ODR4: variants seen among roughly 807,000 people sequenced by gnomAD.
ODR4 encodes the protein protein odr-4 homolog.
ODR4 carries 47 observed loss-of-function variants against 60.2 expected under a neutral mutation model. The ratio of observed to expected loss-of-function variants is 0.78; its 90% CI spans 0.62 to 1.00. The LOEUF (loss-of-function observed/expected upper bound fraction) is 1.00. Ranked by LOEUF, ODR4 falls within the 50% of genes least tolerant of loss-of-function variation. The pLI, the probability that ODR4 is intolerant of heterozygous loss-of-function variation, is 0.00. For synonymous variants in ODR4, 178 were observed against 175.5 expected, an observed-to-expected ratio of 1.01 and a Z score of -0.11; for missense variants, 488 against 530.8, an observed-to-expected ratio of 0.92 and a Z score of 0.79.
At chr1:186,379,640 A>C (rs2102011273) in intron 1 of ODR4, 127 bp from the exon 2 acceptor site, 1 of 529,598 alleles carries the variant, frequency 1.9e-6, no homozygotes, top group African/African-American at 1.9e-5. Context: ...CTATGTAATA[A>C]GTATTTGCTG....
At chr1:186,401,419 C>T (rs1372422156) in intron 11 of ODR4, 1 of 346,630 alleles carries the variant, frequency 2.9e-6, no homozygotes, top group Non-Finnish European at 5.5e-6. Context: ...TATTCTGCTC[C>T]TAGCAGAGTG....
chr1:186,434,428 G>T, the ODR4 span, among the ~76,000 whole-genome samples: 7 of 152,096 alleles, frequency 4.6e-5, no homozygotes, highest in African/African-American at 1.7e-4. Flanking sequence ...TGTTTGGAAT[G>T]ATTGCCTCTT....
the ODR4 span, among the ~76,000 whole-genome samples, chr1:186,431,789 G>A: frequency 6.6e-6 from 1 of 152,100 alleles, no homozygotes; most frequent in East Asian, 1.9e-4. Flanking sequence ...AGGAATTCTT[G>A]GATAAAAGGT....
downstream of ODR4, among the ~76,000 whole-genome samples, chr1:186,424,789 G>A (rs1331331622): frequency 1.3e-5 from 2 of 151,878 alleles, no homozygotes; most frequent in African/African-American, 4.8e-5. Context: ...TCTTCCAGTC[G>A]TGGTGGCTGG....
rs2102104241 is a variant in ODR4, at chr1:186,420,441, G to T, written c.*1365G>T. On this transcript the variant is annotated 3_prime_UTR_variant, in exon 14 of 14. Coordinates refer to ENST00000287859, the MANE Select transcript of ODR4 (RefSeq NM_017847.6). Reference sequence around the variant, plus strand: ...CAAGTAGTAGTATTTTATGACTAGAGATCACAGGCACAAGTTGAAACAAAC... The same window carrying T: ...CAAGTAGTAGTATTTTATGACTAGATATCACAGGCACAAGTTGAAACAAAC... 1 of 152,258 alleles carries T rather than the reference G, an allele frequency of 6.6e-6. No individual in the cohort carries two copies. Among genetic ancestry groups the T allele is most frequent in the African/African-American group, 2.4e-5 (1 of 41,538 alleles). 9.4% of individuals were successfully genotyped at this position (152,258 alleles called of 1,614,324 possible).
At chr1:186,381,379 T>A (rs974025068) in intron 2 of ODR4, among the ~76,000 whole-genome samples, 2 of 151,200 alleles carry the variant, frequency 1.3e-5, no homozygotes, top group Non-Finnish European at 2.9e-5. Context: ...CAGGCTGGAG[T>A]GCAGTGGCGC....
Position 186,388,841 on chromosome 1 carries a change from G to T in ODR4, c.437+293G>T, listed in dbSNP as rs547927330. On this transcript the variant is annotated intron_variant, in intron 5 of 13. Transcript: ENST00000287859. ...CCAAGCACAGCAGATTCCCTACAGA[G>T]ATAAATGCCTAACTGATGGCTTAGG... Among the ~76,000 whole-genome samples, 6 of 152,298 alleles carry T rather than the reference G, an allele frequency of 3.9e-5. No homozygotes were observed. The South Asian group carries it at 1.2e-3, about 32-fold the overall frequency.
the ODR4 span, among the ~76,000 whole-genome samples, chr1:186,431,709 C>G: frequency 6.6e-6 from 1 of 152,064 alleles, no homozygotes; most frequent in Non-Finnish European, 1.5e-5. Context: ...ACAAAATCAC[C>G]ATTTGCAAGC....
chr1:186,388,004 T>C (rs956821066), intron 4 of ODR4, among the ~76,000 whole-genome samples: 4 of 152,346 alleles, frequency 2.6e-5, no homozygotes, highest in Non-Finnish European at 5.9e-5. Flanking sequence ...AAATCACTTA[T>C]CATTTCTCAT....
Position 186,398,378 on chromosome 1 carries a change from G to A in ODR4, c.846G>A (p.Lys282=), listed in dbSNP as rs1321428473. The A allele has an allele frequency of 1.9e-6, 3 of 1,611,564 alleles. No individual in the cohort carries two copies. The highest frequency in any genetic ancestry group is 1.7e-6 in the Non-Finnish European group (2 of 1,178,544). ...VQICSGSVNL[K]GAVKCRAYIH... Reference sequence around the variant, plus strand: ...TATGTAGCGGTTCTGTAAACCTTAAGGGTGCTGTGAAATGCAGAGCTTATA... The same window carrying A: ...TATGTAGCGGTTCTGTAAACCTTAAAGGTGCTGTGAAATGCAGAGCTTATA... Residue 282 remains lysine (K), a synonymous_variant, in exon 10 of 14, where the codon AAG becomes AAA. Coordinates refer to ENST00000287859, the MANE Select transcript of ODR4 (RefSeq NM_017847.6).
intron 11 of ODR4, among the ~76,000 whole-genome samples, chr1:186,404,882 T>A (rs1036539445): frequency 6.6e-6 from 1 of 152,218 alleles, no homozygotes; most frequent in Non-Finnish European, 1.5e-5. Context: ...TTTAATCATA[T>A]CTGTTGCTGA....
At chr1:186,401,066 A>G in intron 11 of ODR4, 2 of 1,596,620 alleles carry the variant, frequency 1.3e-6, no homozygotes, top group Non-Finnish European at 1.7e-6. Flanking sequence ...ATCCACCATT[A>G]TTGTTAAAGA....
chr1:186,386,826 A>C (rs796841278), intron 4 of ODR4, among the ~76,000 whole-genome samples: 7 of 152,270 alleles, frequency 4.6e-5, no homozygotes, highest in African/African-American at 1.2e-4. Flanking sequence ...AAACATAAAC[A>C]ATCAGATTAT....
the ODR4 span, among the ~76,000 whole-genome samples, chr1:186,426,992 T>C: frequency 6.6e-6 from 1 of 152,168 alleles, no homozygotes; most frequent in African/African-American, 2.4e-5. Flanking sequence ...AAAGTGGCAA[T>C]CCTCTGACCT....
At chr1:186,381,579 G>A (rs189245926) in intron 2 of ODR4, among the ~76,000 whole-genome samples, 1 of 151,892 alleles carries the variant, frequency 6.6e-6, no homozygotes, top group African/African-American at 2.4e-5. Context: ...CGCCTGCCTC[G>A]GCCTCCCAAA....
chr1:186,399,206 ATT>A (rs532098710), intron 11 of ODR4, 162 bp downstream of exon 11: 5,344 of 504,730 alleles, frequency 0.011, no homozygotes, highest in East Asian at 0.018. Flanking sequence ...TGCTACTCAG[ATT>A]TTTTTTTTTT....
chr1:186,388,581 C>A, intron 5 of ODR4, 33 bp downstream of exon 5: 1 of 1,194,048 alleles, frequency 8.4e-7, no homozygotes. Context: ...TTTAAAAGTA[C>A]AAAGTACCAA....
chr1:186,402,218 C>CTTTCTTTCT (rs1558085088), intron 11 of ODR4, among the ~76,000 whole-genome samples: 1 of 149,084 alleles, frequency 6.7e-6, no homozygotes, highest in Non-Finnish European at 1.5e-5. Context: ...TTCTTTCTTT[C>CTTTCTTTCT]TTTCTTTCTT....
At chr1:186,389,915 G>C (rs796321358) in intron 6 of ODR4, among the ~76,000 whole-genome samples, 1 of 152,302 alleles carries the variant, frequency 6.6e-6, no homozygotes, top group African/African-American at 2.4e-5. Context: ...AGCCTCTTGA[G>C]TAGCTGAGAC....
Sources: allele counts gnomAD v4.1 joint callset (sites outside exome capture counted in the v4.1 genomes callset), GRCh38; gene constraint gnomAD v4.1.1; transcripts MANE v1.5; gene names NCBI Gene and HGNC (gene_info 2026-07-23, HGNC 2026-07-21).